SKA1: variants seen among roughly 807,000 people sequenced by gnomAD.
The protein encoded by SKA1 is SKA complex subunit 1.
Under a neutral mutation model 31.8 loss-of-function variants are expected in SKA1, and 20 were observed. That is an observed-to-expected ratio of 0.63 (90% CI 0.44 to 0.91). SKA1 has a LOEUF of 0.91. Among genes scored for constraint, SKA1 ranks in the 40% least tolerant of loss-of-function variants. SKA1 has a pLI of 0.00. For synonymous variants in SKA1, 88 were observed against 100.5 expected (o/e 0.88, Z 0.74); for missense variants, 253 against 298.2 (o/e 0.85, Z 1.12).
chr18:50,383,228 A>T (rs1219826990), intron 4 of SKA1, among the ~76,000 whole-genome samples: 1 of 152,074 alleles, frequency 6.6e-6, no homozygotes. Flanking sequence ...GAGGTCAAAA[A>T]TCCCTCGTCA....
At chr18:50,384,871 T>TAAAAAAAAAAAAAAAAAAAAAAAAAAAA (rs10608403) in intron 4 of SKA1, among the ~76,000 whole-genome samples, 1 of 82,600 alleles carries the variant, frequency 1.2e-5, no homozygotes, top group African/African-American at 5.5e-5. Context: ...AAAAAAAAAT[T>TAAAAAAAAAAAAAAAAAAAAAAAAAAAA]AAAAAAAAAA....
intron 2 of SKA1, among the ~76,000 whole-genome samples, chr18:50,376,456 C>T (rs1206944025): frequency 6.6e-6 from 1 of 152,098 alleles, no homozygotes; most frequent in Non-Finnish European, 1.5e-5. Flanking sequence ...ATTTGTGTAT[C>T]TAAACATAGA....
intron 3 of SKA1, among the ~76,000 whole-genome samples, chr18:50,381,722 GGT>G (rs141312304): frequency 0.086 from 10,766 of 125,702 alleles, 1,690 homozygotes; most frequent in African/African-American, 0.28. Flanking sequence ...CAGTCAATGT[GGT>G]TTTTTTTTTT....
At chr18:50,378,485 T>G (rs1599722982) in intron 2 of SKA1, among the ~76,000 whole-genome samples, 1 of 152,086 alleles carries the variant, frequency 6.6e-6, no homozygotes, top group Non-Finnish European at 1.5e-5. Flanking sequence ...GAGACCAGCC[T>G]AGTAACATAG....
intron 5 of SKA1, among the ~76,000 whole-genome samples, chr18:50,387,996 T>TA (rs1307307542): frequency 6.6e-6 from 1 of 152,232 alleles, no homozygotes; most frequent in Non-Finnish European, 1.5e-5. Context: ...TTTATGTTGA[T>TA]ACGTCTAGGA....
intron 5 of SKA1, among the ~76,000 whole-genome samples, 182 bp downstream of exon 5, chr18:50,385,535 C>T: frequency 6.6e-6 from 1 of 152,182 alleles, no homozygotes; most frequent in East Asian, 1.9e-4. Context: ...AAAACCCCTT[C>T]ATAGAGAGAT....
In SKA1 at chr18:50,382,115, C is replaced by A; in HGVS notation, c.214-14C>A. 1.4e-6 allele frequency: 2 copies of A among 1,447,108 alleles called. No individual in the cohort carries two copies. Among genetic ancestry groups the A allele is most frequent in the Non-Finnish European group, 1.9e-6 (2 of 1,069,588 alleles). 89.6% of individuals were successfully genotyped at this position (1,447,108 alleles called of 1,614,324 possible). ...GAGGACAGAGACTTATTTGTGAGCA[C>A]TTTTAAATTTTAGGAACTCTGTGAA... On this transcript the variant is annotated splice_polypyrimidine_tract_variant and intron_variant, in intron 3 of 6. Coordinates refer to ENST00000285116, the MANE Select transcript of SKA1 (RefSeq NM_145060.4).
At chr18:50,379,018 T>C (rs2041243604) in intron 2 of SKA1, among the ~76,000 whole-genome samples, 2 of 152,204 alleles carry the variant, frequency 1.3e-5, no homozygotes, top group Admixed American at 1.3e-4. Context: ...TTGGTGTCTC[T>C]GACTTCAGGC....
At chr18:50,392,021 A>C in intron 6 of SKA1, 78 bp from the exon 7 acceptor site, 3 of 1,120,062 alleles carry the variant, frequency 2.7e-6, no homozygotes, top group Non-Finnish European at 3.7e-6. Context: ...AATACCATTC[A>C]TATTCACAAC....
intron 5 of SKA1, among the ~76,000 whole-genome samples, chr18:50,388,206 G>C (rs1333635418): frequency 6.6e-6 from 1 of 152,170 alleles, no homozygotes; most frequent in African/African-American, 2.4e-5. Context: ...TCCTGCCTCA[G>C]CCTCCAGAGT....
chr18:50,375,792 A>G, intron 1 of SKA1, 28 bp from the exon 2 acceptor site: 1 of 1,385,094 alleles, frequency 7.2e-7, no homozygotes, highest in African/African-American at 1.5e-5. Context: ...TTTTCTTGTT[A>G]CGAATATGTT....
intron 2 of SKA1, among the ~76,000 whole-genome samples, chr18:50,379,019 G>A (rs1396772488): frequency 6.6e-6 from 1 of 152,134 alleles, no homozygotes; most frequent in East Asian, 1.9e-4. Context: ...TGGTGTCTCT[G>A]ACTTCAGGCC....
Position 50,392,150 on chromosome 18 carries a change from C to T in SKA1, c.671C>T (p.Ala224Val). The T allele has an allele frequency of 6.2e-7, 1 of 1,609,934 alleles. No homozygotes were observed. Among genetic ancestry groups the T allele is most frequent in the Non-Finnish European group, 8.5e-7 (1 of 1,179,244 alleles). ...ATAAAGGAGTTCACAACTTTGAAAG[C>T]TGACAAGAAGTTTCACGTGTTACTG... is the stretch of plus-strand genomic sequence containing the variant. ...ADIKEFTTLK[A>V]DKKFHVLLNI... The change falls in exon 7 of 7, where the codon GCT (alanine) becomes GTT (valine). Residue 224 changes from alanine (A) to valine (V), a missense_variant. Coordinates refer to ENST00000285116, the MANE Select transcript of SKA1 (RefSeq NM_145060.4).
At chr18:50,390,160 G>GA (rs1290797978) in intron 5 of SKA1, among the ~76,000 whole-genome samples, 1 of 152,064 alleles carries the variant, frequency 6.6e-6, no homozygotes, top group Non-Finnish European at 1.5e-5. Flanking sequence ...ATTGTGGTTA[G>GA]AAAAAACAGG....
intron 4 of SKA1, among the ~76,000 whole-genome samples, 174 bp downstream of exon 4, chr18:50,382,400 C>A (rs2041270696): frequency 6.6e-6 from 1 of 152,140 alleles, no homozygotes; most frequent in African/African-American, 2.4e-5. Context: ...ATCTTGGTGT[C>A]TCTGAGGAAA....
intron 2 of SKA1, among the ~76,000 whole-genome samples, chr18:50,377,728 A>G (rs1349256411): frequency 6.6e-6 from 1 of 152,180 alleles, no homozygotes; most frequent in East Asian, 1.9e-4. Flanking sequence ...TGTAGTTTGT[A>G]TTATGAATTG....
At chr18:50,380,024 C>T (rs1298217558) in intron 2 of SKA1, 102 bp from the exon 3 acceptor site, 2 of 976,924 alleles carry the variant, frequency 2.0e-6, no homozygotes, top group Non-Finnish European at 2.9e-6. Flanking sequence ...TTTTTCCACC[C>T]CTCTCTAAGG....
chr18:50,391,794 C>T (rs1052258650), intron 6 of SKA1, among the ~76,000 whole-genome samples: 19 of 152,168 alleles, frequency 1.2e-4, no homozygotes, highest in Admixed American at 6.5e-4. Flanking sequence ...ACTTACTTGT[C>T]CAAGGTCATC....
rs1375521395 is a variant in SKA1, at chr18:50,392,093, T to C, written c.620-6T>C. 1 of 1,559,114 alleles carries C rather than the reference T, an allele frequency of 6.4e-7. No individual in the cohort carries two copies. Among genetic ancestry groups the C allele is most frequent in the Non-Finnish European group, 8.6e-7 (1 of 1,159,342 alleles). On this transcript the variant is annotated splice_polypyrimidine_tract_variant and splice_region_variant and intron_variant, in intron 6 of 6. Transcript: ENST00000285116. ...TAAAAATTAGCACTAATATCTTTATTTTTAGGTCGTTATTTTATAGTGGAA... is the reference window on the plus strand; with the variant it reads ...TAAAAATTAGCACTAATATCTTTATCTTTAGGTCGTTATTTTATAGTGGAA...
Sources: allele counts gnomAD v4.1 joint callset (sites outside exome capture counted in the v4.1 genomes callset), GRCh38; gene constraint gnomAD v4.1.1; transcripts MANE v1.5; gene names NCBI Gene and HGNC (gene_info 2026-07-23, HGNC 2026-07-21).